The following PDE4B variants were observed in gnomAD, a reference collection of about 807,000 sequenced individuals.
The protein encoded by PDE4B is phosphodiesterase 4B.
Under a neutral mutation model 82.2 loss-of-function variants are expected in PDE4B, and 20 were observed. The ratio of observed to expected loss-of-function variants is 0.24; its 90% CI spans 0.17 to 0.35. The LOEUF (loss-of-function observed/expected upper bound fraction) is 0.35. PDE4B is among the 10% of genes least tolerant of loss of function. PDE4B has a pLI of 1.00. For missense variants in PDE4B, 655 were observed against 907.2 expected (o/e 0.72, Z 3.57); for synonymous variants, 320 against 318.9 (o/e 1.00, Z -0.04).
At chr1:65,797,307 A>G (rs1339455715) in intron 1 of PDE4B, among the ~76,000 whole-genome samples, 1 of 152,156 alleles carries the variant, frequency 6.6e-6, no homozygotes, top group Non-Finnish European at 1.5e-5. Flanking sequence ...CCAACATCTG[A>G]TTCACTTAAT....
At chr1:66,370,736 G>A (rs547328247) in intron 16 of PDE4B, among the ~76,000 whole-genome samples, 8 of 152,186 alleles carry the variant, frequency 5.3e-5, no homozygotes, top group Non-Finnish European at 7.4e-5. Context: ...CAAAACAAGC[G>A]AAGAAAGGAA....
intron 3 of PDE4B, among the ~76,000 whole-genome samples, chr1:66,181,847 T>C (rs1234148290): frequency 3.9e-5 from 6 of 152,118 alleles, no homozygotes; most frequent in African/African-American, 1.4e-4. Flanking sequence ...AAAATCTATC[T>C]TCAGTGCATT....
intron 1 of PDE4B, among the ~76,000 whole-genome samples, chr1:65,850,862 G>A (rs866997299): frequency 6.6e-6 from 1 of 152,038 alleles, no homozygotes; most frequent in African/African-American, 2.4e-5. Flanking sequence ...CTTTCCTATC[G>A]AAGAAATCTT....
intron 1 of PDE4B, among the ~76,000 whole-genome samples, chr1:65,793,962 C>G (rs955221991): frequency 6.6e-6 from 1 of 152,162 alleles, no homozygotes; most frequent in African/African-American, 2.4e-5. Context: ...AAACACAAAT[C>G]GGAACCCACT....
At chr1:65,864,415 T>G (rs1646487990) in intron 1 of PDE4B, among the ~76,000 whole-genome samples, 1 of 151,936 alleles carries the variant, frequency 6.6e-6, no homozygotes, top group African/African-American at 2.4e-5. Flanking sequence ...TGGAGAGGAG[T>G]TGCGATCATT....
intron 1 of PDE4B, among the ~76,000 whole-genome samples, chr1:65,880,498 A>G (rs1360982859): frequency 6.6e-6 from 1 of 152,186 alleles, no homozygotes; most frequent in Non-Finnish European, 1.5e-5. Context: ...TGATGGTATT[A>G]GGAGGTTGGC....
At chr1:66,310,573 A>G (rs1397570339) in intron 7 of PDE4B, among the ~76,000 whole-genome samples, 4 of 152,120 alleles carry the variant, frequency 2.6e-5, no homozygotes. Flanking sequence ...GCAGAAACCA[A>G]CCTTAAATAT....
At chr1:65,813,850 A>G (rs1645846857) in intron 1 of PDE4B, among the ~76,000 whole-genome samples, 2 of 147,618 alleles carry the variant, frequency 1.4e-5, no homozygotes, top group African/African-American at 2.5e-5. Flanking sequence ...ATTAGAATGT[A>G]GCTTTGAAAA....
chr1:66,204,957 A>C (rs1649425548), intron 3 of PDE4B, among the ~76,000 whole-genome samples: 1 of 152,170 alleles, frequency 6.6e-6, no homozygotes, highest in Non-Finnish European at 1.5e-5. Flanking sequence ...GGAGCTGTAG[A>C]CTGGAGCTAT....
At chr1:66,085,447 G>T (rs554417942) in intron 3 of PDE4B, among the ~76,000 whole-genome samples, 8 of 152,256 alleles carry the variant, frequency 5.3e-5, no homozygotes, top group African/African-American at 1.7e-4. Flanking sequence ...GAATTTTTAT[G>T]ACAGAAGTGC....
chr1:65,996,046 A>C (rs947496690), intron 3 of PDE4B, among the ~76,000 whole-genome samples: 2 of 152,086 alleles, frequency 1.3e-5, no homozygotes, highest in Non-Finnish European at 2.9e-5. Flanking sequence ...TGAAATTCTG[A>C]CTCTGGGCTA....
intron 1 of PDE4B, among the ~76,000 whole-genome samples, chr1:65,842,626 TACTTAGC>T (rs1646220467): frequency 6.6e-6 from 1 of 152,164 alleles, no homozygotes; most frequent in Non-Finnish European, 1.5e-5. Context: ...CTTAAGATGG[TACTTAGC>T]ACTTGGCATG....
At chr1:66,199,938 A>G (rs474358) in intron 3 of PDE4B, among the ~76,000 whole-genome samples, 70,773 of 151,756 alleles carry the variant, frequency 0.47, 16,667 homozygotes, top group African/African-American at 0.53. Context: ...TGTCCTGAAT[A>G]GTATTGCCTA....
intron 3 of PDE4B, among the ~76,000 whole-genome samples, chr1:65,968,219 A>T (rs189329297): frequency 2.7e-4 from 41 of 152,024 alleles, no homozygotes; most frequent in Non-Finnish European, 4.4e-5. Flanking sequence ...TTGTGGCTCC[A>T]TTTACCCATT....
intron 3 of PDE4B, among the ~76,000 whole-genome samples, chr1:66,196,555 C>T (rs1423033729): frequency 6.6e-6 from 1 of 152,100 alleles, no homozygotes; most frequent in African/African-American, 2.4e-5. Flanking sequence ...CCTCCTCCCC[C>T]AATTTATTTT....
intron 1 of PDE4B, among the ~76,000 whole-genome samples, chr1:65,886,152 C>CA (rs1381583994): frequency 1.3e-5 from 2 of 150,544 alleles, no homozygotes; most frequent in African/African-American, 4.9e-5. Flanking sequence ...ATTGTTAAAA[C>CA]AAAAAAATAA....
At chr1:66,334,393 C>G (rs2101924169) in intron 8 of PDE4B, among the ~76,000 whole-genome samples, 1 of 152,294 alleles carries the variant, frequency 6.6e-6, no homozygotes, top group South Asian at 2.1e-4. Flanking sequence ...CATTGACTGT[C>G]TTGCAAATTT....
At chr1:65,893,582 A>G (rs1266052536) in intron 1 of PDE4B, among the ~76,000 whole-genome samples, 2 of 152,134 alleles carry the variant, frequency 1.3e-5, no homozygotes, top group African/African-American at 4.8e-5. Flanking sequence ...GGAAGACAGT[A>G]TGGAGATTCC....
intron 1 of PDE4B, among the ~76,000 whole-genome samples, chr1:65,887,250 T>TTTC (rs1646795031): frequency 3.2e-5 from 1 of 30,862 alleles, no homozygotes; most frequent in African/African-American, 1.4e-4. Context: ...TTCTTTCTTT[T>TTTC]CTTTCTTTCT....
Sources: allele counts gnomAD v4.1 joint callset (sites outside exome capture counted in the v4.1 genomes callset), GRCh38; gene constraint gnomAD v4.1.1; transcripts MANE v1.5; gene names NCBI Gene and HGNC (gene_info 2026-07-23, HGNC 2026-07-21).